The following CD44 variants were observed in gnomAD, a reference collection of about 807,000 sequenced individuals.
CD44 encodes CD44 molecule (IN blood group).
Under a neutral mutation model 88.8 loss-of-function variants are expected in CD44, and 49 were observed. That is an observed-to-expected ratio of 0.55 (90% confidence interval 0.44 to 0.70). The LOEUF is 0.70. Ranked by LOEUF, CD44 falls within the 30% of genes least tolerant of loss-of-function variation. The probability of loss-of-function intolerance (pLI) is 0.00; values close to 1 mark genes in which losing one functional copy is unlikely to be tolerated. For synonymous variants in CD44, 325 were observed against 312.3 expected (o/e 1.04, Z -0.43); for missense variants, 883 against 913.8 (o/e 0.97, Z 0.43).
At chr11:35,147,744 A>T (rs1042172749) in intron 1 of CD44, among the ~76,000 whole-genome samples, 7 of 152,134 alleles carry the variant, frequency 4.6e-5, no homozygotes, top group Non-Finnish European at 1.5e-5. Context: ...AGATAGTAGC[A>T]CGATAACAGT....
chr11:35,200,218 A>G (rs981561066), intron 7 of CD44, among the ~76,000 whole-genome samples: 10 of 152,162 alleles, frequency 6.6e-5, no homozygotes, highest in East Asian at 1.9e-4. Context: ...TTGGGTATCA[A>G]AATAAAGTTT....
chr11:35,193,579 A>G (rs535078166), intron 5 of CD44, among the ~76,000 whole-genome samples: 2 of 152,366 alleles, frequency 1.3e-5, no homozygotes, highest in South Asian at 2.1e-4. Flanking sequence ...TCAAAGGGAT[A>G]TATAATTTAA....
chr11:35,185,582 C>T (rs1945581294), intron 3 of CD44, among the ~76,000 whole-genome samples: 1 of 126,970 alleles, frequency 7.9e-6, no homozygotes, highest in Non-Finnish European at 1.8e-5. Flanking sequence ...TCCTCCCTCC[C>T]TCTCTCCATC....
At chr11:35,169,095 C>G (rs563683552) in intron 1 of CD44, among the ~76,000 whole-genome samples, 1 of 152,148 alleles carries the variant, frequency 6.6e-6, no homozygotes, top group African/African-American at 2.4e-5. Flanking sequence ...GGAAAGGAAC[C>G]TGATAGGTGA....
At chr11:35,171,321 C>A (rs1307191756) in intron 1 of CD44, among the ~76,000 whole-genome samples, 1 of 152,198 alleles carries the variant, frequency 6.6e-6, no homozygotes, top group Non-Finnish European at 1.5e-5. Flanking sequence ...AAGTATTTGA[C>A]ACCATTCTTG....
chr11:35,175,163 G>T (rs550601876), intron 1 of CD44, among the ~76,000 whole-genome samples: 23 of 152,222 alleles, frequency 1.5e-4, no homozygotes, highest in African/African-American at 4.6e-4. Context: ...AGGATGGGAA[G>T]GAGCTCAGAA....
chr11:35,171,696 A>G (rs1025669313), intron 1 of CD44, among the ~76,000 whole-genome samples: 2 of 152,242 alleles, frequency 1.3e-5, no homozygotes, highest in Non-Finnish European at 2.9e-5. Context: ...CATTCAAGAT[A>G]CTGTTATAAG....
chr11:35,147,859 C>T (rs1859483790), intron 1 of CD44, among the ~76,000 whole-genome samples: 1 of 152,090 alleles, frequency 6.6e-6, no homozygotes, highest in African/African-American at 2.4e-5. Flanking sequence ...GAGGCCGAGG[C>T]AGGCGGATGA....
chr11:35,209,862 C>G, intron 12 of CD44, 103 bp from the exon 13 acceptor site: 2 of 701,482 alleles, frequency 2.9e-6, no homozygotes, highest in Admixed American at 5.4e-5. Context: ...TCCTATGCAC[C>G]TATCCATCTG....
In CD44 at chr11:35,211,347, A is replaced by G; in HGVS notation, c.1708A>G (p.Ser570Gly). The change falls in exon 14 of 18, where the codon AGC (serine) becomes GGC (glycine). Residue 570 changes from serine (S) to glycine (G), a missense_variant. Transcript: ENST00000428726. ...CTCTCATTACCCACACACGAAGGAA[A>G]GCAGGACCTTCATCCCAGTGACCTC... The part of the protein sequence containing the change: ...YTSHYPHTKE[S>G]RTFIPVTSAK... 1 of 1,614,030 alleles carries G rather than the reference A, an allele frequency of 6.2e-7. No homozygotes were observed.
At chr11:35,146,024 G>A (rs1424622158) in intron 1 of CD44, among the ~76,000 whole-genome samples, 2 of 148,874 alleles carry the variant, frequency 1.3e-5, no homozygotes, top group Non-Finnish European at 3.0e-5. Context: ...CTAGACCTGA[G>A]AGACAGGGAG....
At chr11:35,197,862 T>C (rs972654910) in intron 6 of CD44, 52 of 388,876 alleles carry the variant, frequency 1.3e-4, no homozygotes, top group Non-Finnish European at 2.1e-4. Context: ...AAAACTTATA[T>C]GGTGAGATTA....
chr11:35,156,889 C>T (rs560304463), intron 1 of CD44, among the ~76,000 whole-genome samples: 1 of 152,278 alleles, frequency 6.6e-6, no homozygotes, highest in South Asian at 2.1e-4. Context: ...TTTTAATTGG[C>T]TGTGCATGGT....
At chr11:35,220,588 A>G (rs2134345083) in intron 16 of CD44, among the ~76,000 whole-genome samples, 2 of 152,306 alleles carry the variant, frequency 1.3e-5, no homozygotes, top group South Asian at 4.1e-4. Context: ...TTGTCAAGTC[A>G]TATTTTAGTC....
At chr11:35,206,050 G>C (rs561752164) in intron 10 of CD44, 62 bp from the exon 11 acceptor site, 2 of 1,486,198 alleles carry the variant, frequency 1.3e-6, no homozygotes, top group Non-Finnish European at 8.9e-7. Flanking sequence ...AAATAAAATC[G>C]GTGTATCCCT....
chr11:35,163,931 G>A (rs1325749265), intron 1 of CD44, among the ~76,000 whole-genome samples: 3 of 152,000 alleles, frequency 2.0e-5, no homozygotes, highest in Non-Finnish European at 4.4e-5. Flanking sequence ...CTCAGCCTCA[G>A]TTTTCTTATA....
intron 13 of CD44, 41 bp from the exon 14 acceptor site, chr11:35,211,205 C>T (rs1231702025): frequency 1.3e-6 from 2 of 1,506,288 alleles, no homozygotes; most frequent in Admixed American, 3.3e-5. Context: ...GGGTGGTGAT[C>T]TTACAAATAC....
chr11:35,176,511 G>T, intron 1 of CD44, 64 bp from the exon 2 acceptor site: 2 of 1,504,162 alleles, frequency 1.3e-6, no homozygotes, highest in South Asian at 2.5e-5. Flanking sequence ...GTCCTAAACT[G>T]AACTTATTAC....
chr11:35,201,489 C>G (rs1947313017), intron 8 of CD44, 182 bp from the exon 9 acceptor site: 1 of 665,052 alleles, frequency 1.5e-6, no homozygotes, highest in Non-Finnish European at 2.5e-6. Flanking sequence ...GAAGAAATTC[C>G]AAGCCCATTG....
Sources: gnomAD v4.1 joint callset for allele counts (sites outside exome capture counted in the v4.1 genomes callset) on GRCh38, gnomAD v4.1.1 for gene constraint, MANE v1.5 for transcripts, NCBI Gene and HGNC (gene_info 2026-07-23, HGNC 2026-07-21) for gene names.